MTMR10: variants seen among roughly 807,000 people sequenced by gnomAD.
MTMR10 encodes myotubularin related protein 10, also known as myotubularin-related protein 10.
MTMR10 carries 56 observed loss-of-function variants against 88.1 expected under a neutral mutation model. The ratio of observed to expected loss-of-function variants is 0.64; its 90% CI spans 0.51 to 0.79. MTMR10 has a LOEUF of 0.79. Among genes scored for constraint, MTMR10 ranks in the 30% least tolerant of loss-of-function variants. The pLI is 0.00. For missense variants in MTMR10, 883 were observed against 924.7 expected (o/e 0.95, Z 0.58); for synonymous variants, 380 against 340.9 (o/e 1.11, Z -1.26).
At chr15:30,927,286 C>A in the MTMR10 span, 1 of 985,404 alleles carries the variant, frequency 1.0e-6, no homozygotes, top group South Asian at 4.7e-5. Context: ...TTCACCAGGA[C>A]GGAACACTGA....
At chr15:30,979,421 C>A (rs1048428607) in intron 2 of MTMR10, among the ~76,000 whole-genome samples, 1 of 151,154 alleles carries the variant, frequency 6.6e-6, no homozygotes, top group African/African-American at 2.4e-5. Context: ...TTTAGCCAGG[C>A]GTGGTGGTGC....
intron 9 of MTMR10, among the ~76,000 whole-genome samples, chr15:30,956,614 A>G (rs2141016002): frequency 6.6e-6 from 1 of 152,370 alleles, no homozygotes; most frequent in African/African-American, 2.4e-5. Flanking sequence ...TGAGAAACCT[A>G]AAGAAGGCCA....
chr15:30,955,581 T>C (rs1370805357), intron 9 of MTMR10, among the ~76,000 whole-genome samples: 1 of 152,182 alleles, frequency 6.6e-6, no homozygotes, highest in Non-Finnish European at 1.5e-5. Context: ...CATTCCCTTA[T>C]TTCTGATGGG....
At chr15:30,936,979 G>A (rs1468916251), downstream of MTMR10, 5 of 684,454 alleles carry the variant, frequency 7.3e-6, no homozygotes, top group Admixed American at 5.7e-5. Context: ...AGGACCATCC[G>A]TATATTTGTG....
At chr15:30,971,947 A>C (rs1370611938) in intron 5 of MTMR10, among the ~76,000 whole-genome samples, 1 of 152,216 alleles carries the variant, frequency 6.6e-6, no homozygotes, top group Non-Finnish European at 1.5e-5. Flanking sequence ...AATTGAAACA[A>C]CACCAACAAG....
At chr15:30,918,995 A>G in the MTMR10 span, among the ~76,000 whole-genome samples, 4 of 152,214 alleles carry the variant, frequency 2.6e-5, no homozygotes, top group African/African-American at 9.7e-5. Flanking sequence ...TACCGATTAC[A>G]TAGTCAATTA....
In MTMR10 at chr15:30,989,007, T is replaced by A. The variant is rs201777857; in HGVS notation, c.121+1770A>T. 8.2e-3 allele frequency among the ~76,000 whole-genome samples: 1,149 copies of A among 139,928 alleles called. 44 individuals are homozygous for A. The East Asian group carries it at 0.09, about 11-fold the overall frequency. 91.8% of individuals were successfully genotyped at this position (139,928 alleles called of 152,430 possible). On this transcript the variant is annotated intron_variant, in intron 2 of 15. Coordinates refer to ENST00000435680, the MANE Select transcript of MTMR10 (RefSeq NM_017762.3). ...TGTCTCAAAAAAAAAAAAAAAAAAA[T>A]TTAAAAAAAATTTTAAAAAATTAAA...
chr15:30,927,792 G>T, the MTMR10 span: 1 of 985,824 alleles, frequency 1.0e-6, no homozygotes, highest in Non-Finnish European at 1.2e-6. Flanking sequence ...AGCTGGATGA[G>T]CTGGGGCTTG....
At chr15:30,979,922 C>T (rs1311681496) in intron 2 of MTMR10, among the ~76,000 whole-genome samples, 1 of 152,232 alleles carries the variant, frequency 6.6e-6, no homozygotes, top group Non-Finnish European at 1.5e-5. Flanking sequence ...CATAGCCATA[C>T]TCATTTGTTC....
the MTMR10 span, chr15:30,929,118 C>G: frequency 1.6e-6 from 2 of 1,224,858 alleles, no homozygotes; most frequent in African/African-American, 3.2e-5. Context: ...GGCCGGTTTC[C>G]AAGTTTTGTA....
intron 9 of MTMR10, among the ~76,000 whole-genome samples, chr15:30,957,951 A>C (rs1199391789): frequency 6.6e-6 from 1 of 152,192 alleles, no homozygotes; most frequent in Non-Finnish European, 1.5e-5. Context: ...AAGGTGTCTG[A>C]AAAGTGAAGT....
Position 30,991,532 on chromosome 15 carries a change from C to T in MTMR10, c.-26G>A. 2 of 1,536,112 alleles carry T rather than the reference C, an allele frequency of 1.3e-6. No individual in the cohort carries two copies. The highest frequency in any genetic ancestry group is 2.7e-5 in the East Asian group (1 of 37,092). ...GGTGCCGCCGCCTTTTCGCCCCGTTCCCGTCGCGGGCCAGTGGCAGCGCCG... is the reference window on the plus strand; with the variant it reads ...GGTGCCGCCGCCTTTTCGCCCCGTTTCCGTCGCGGGCCAGTGGCAGCGCCG... On this transcript the variant is annotated 5_prime_UTR_variant, in exon 1 of 16. Transcript: ENST00000435680.
chr15:30,935,880 A>G (rs1224958442), downstream of MTMR10, among the ~76,000 whole-genome samples: 1 of 151,950 alleles, frequency 6.6e-6, no homozygotes, highest in Non-Finnish European at 1.5e-5. Context: ...TGCTTTGACT[A>G]TATCCCCTGA....
chr15:30,927,671 G>T, the MTMR10 span: 1 of 985,546 alleles, frequency 1.0e-6, no homozygotes, highest in African/African-American at 1.7e-5. Context: ...CAGGATGGGG[G>T]TCTGGTGGTC....
intron 6 of MTMR10, among the ~76,000 whole-genome samples, chr15:30,963,294 A>T (rs1469769498): frequency 6.6e-6 from 1 of 152,128 alleles, no homozygotes; most frequent in Non-Finnish European, 1.5e-5. Flanking sequence ...CTTAAGTGGT[A>T]TCAGAATTAT....
the MTMR10 span, among the ~76,000 whole-genome samples, chr15:30,932,298 A>G: frequency 6.6e-6 from 1 of 152,024 alleles, no homozygotes; most frequent in South Asian, 2.1e-4. Context: ...TCTGAGAGGA[A>G]TTGGTATCTT....
chr15:30,934,102 T>C (rs1395308735), downstream of MTMR10, among the ~76,000 whole-genome samples: 1 of 152,212 alleles, frequency 6.6e-6, no homozygotes, highest in East Asian at 1.9e-4. Flanking sequence ...AGGTCTGTTA[T>C]AAGACGCATA....
In MTMR10 at chr15:30,986,982, C is replaced by T. The variant is rs569567757; in HGVS notation, c.121+3795G>A. On this transcript the variant is annotated intron_variant, in intron 2 of 15. Transcript: ENST00000435680. ...ATACTGGAACACAAACATATATACA[C>T]ACACACACTTTAAAAGTCAAACTCA... Among the ~76,000 whole-genome samples the T allele has an allele frequency of 1.3e-4, 20 of 152,342 alleles. No individual in the cohort carries two copies. The South Asian group carries it at 4.1e-3, about 32-fold the overall frequency.
Position 30,991,486 on chromosome 15 carries a change from G to T in MTMR10, c.21C>A (p.Pro7=). Residue 7 remains proline (P), a synonymous_variant, in exon 1 of 16, where the codon CCC becomes CCA. Coordinates refer to ENST00000435680, the MANE Select transcript of MTMR10 (RefSeq NM_017762.3). ...GGAGGTAGGACCTGAAGGTGGGTTT[G>T]GGCGGCTTGAGGGAGAACATGGTGC... is the stretch of plus-strand genomic sequence containing the variant. MFSLKP[P]KPTFRSYLLP... The T allele has an allele frequency of 1.3e-6, 2 of 1,519,068 alleles. No individual in the cohort carries two copies. Among genetic ancestry groups the T allele is most frequent in the Non-Finnish European group, 1.8e-6 (2 of 1,142,500 alleles). 94.1% of individuals were successfully genotyped at this position (1,519,068 alleles called of 1,614,324 possible).
Sources: gnomAD v4.1 joint callset for allele counts (sites outside exome capture counted in the v4.1 genomes callset) on GRCh38, gnomAD v4.1.1 for gene constraint, MANE v1.5 for transcripts, NCBI Gene and HGNC (gene_info 2026-07-23, HGNC 2026-07-21) for gene names.